The following LRRTM4 variants were observed in gnomAD, a reference collection of about 807,000 sequenced individuals.
The protein encoded by LRRTM4 is leucine rich repeat transmembrane neuronal 4.
A neutral mutation model predicts 47.6 loss-of-function variants in LRRTM4; 25 were observed. That is an observed-to-expected ratio of 0.53 (90% confidence interval 0.38 to 0.73). The LOEUF is 0.73. Among genes scored for constraint, LRRTM4 ranks in the 30% least tolerant of loss-of-function variants. LRRTM4 has a pLI of 0.00. For synonymous variants in LRRTM4, 311 were observed against 269.5 expected (o/e 1.15, Z -1.51); for missense variants, 638 against 713.4 (o/e 0.89, Z 1.20).
intron 3 of LRRTM4, among the ~76,000 whole-genome samples, chr2:77,228,331 A>G (rs548262728): frequency 4.6e-5 from 7 of 152,160 alleles, no homozygotes; most frequent in South Asian, 4.1e-4. Context: ...CTTGAATCCA[A>G]TCTAATCTGG....
chr2:77,447,483 AT>A (rs1354116770), intron 3 of LRRTM4, among the ~76,000 whole-genome samples: 6 of 152,130 alleles, frequency 3.9e-5, no homozygotes, highest in Non-Finnish European at 7.4e-5. Flanking sequence ...TCAATTCACC[AT>A]GTGTTATTAG....
At chr2:77,392,230 T>A (rs1254878666) in intron 3 of LRRTM4, among the ~76,000 whole-genome samples, 2 of 152,040 alleles carry the variant, frequency 1.3e-5, no homozygotes, top group Admixed American at 6.6e-5. Context: ...CTTATTCCTT[T>A]CAACCAATTG....
intron 3 of LRRTM4, among the ~76,000 whole-genome samples, chr2:76,763,069 G>C (rs1673320084): frequency 6.6e-6 from 1 of 152,076 alleles, no homozygotes; most frequent in African/African-American, 2.4e-5. Flanking sequence ...CTATCGCCTA[G>C]GATTGAGGAG....
intron 3 of LRRTM4, among the ~76,000 whole-genome samples, chr2:77,359,849 T>C (rs1041696779): frequency 1.6e-4 from 24 of 152,206 alleles, no homozygotes; most frequent in African/African-American, 5.8e-4. Flanking sequence ...GTATTTGCTT[T>C]ACAGGTTCCT....
chr2:77,296,490 C>T (rs531137313), intron 3 of LRRTM4, among the ~76,000 whole-genome samples: 29 of 152,178 alleles, frequency 1.9e-4, no homozygotes, highest in Non-Finnish European at 3.1e-4. Context: ...ATCTATGGTA[C>T]GTTGTTCCTG....
At chr2:76,977,324 T>C (rs1386233798) in intron 3 of LRRTM4, among the ~76,000 whole-genome samples, 1 of 151,724 alleles carries the variant, frequency 6.6e-6, no homozygotes, top group Non-Finnish European at 1.5e-5. Flanking sequence ...GGGTATAATA[T>C]GTGATTCTTA....
chr2:77,341,430 A>G (rs1451743779), intron 3 of LRRTM4, among the ~76,000 whole-genome samples: 1 of 151,940 alleles, frequency 6.6e-6, no homozygotes, highest in African/African-American at 2.4e-5. Context: ...CTTAAACGTT[A>G]TTCCTTCATG....
At chr2:77,359,290 C>T (rs1055406367) in intron 3 of LRRTM4, among the ~76,000 whole-genome samples, 1 of 151,946 alleles carries the variant, frequency 6.6e-6, no homozygotes, top group Non-Finnish European at 1.5e-5. Context: ...TCTAGATGTC[C>T]CCCCAACCCA....
chr2:77,502,347 G>A (rs1180894729), intron 3 of LRRTM4, among the ~76,000 whole-genome samples: 3 of 150,862 alleles, frequency 2.0e-5, no homozygotes, highest in Non-Finnish European at 4.4e-5. Flanking sequence ...GTAATAAAAT[G>A]GCATATTAAT....
chr2:76,964,353 A>G (rs1008568388), intron 3 of LRRTM4, among the ~76,000 whole-genome samples: 2 of 151,086 alleles, frequency 1.3e-5, no homozygotes, highest in Non-Finnish European at 3.0e-5. Context: ...TGTAACATGA[A>G]ATATGTGGAG....
intron 3 of LRRTM4, among the ~76,000 whole-genome samples, chr2:77,110,931 G>A (rs1490867477): frequency 1.3e-5 from 2 of 152,082 alleles, no homozygotes; most frequent in Non-Finnish European, 2.9e-5. Flanking sequence ...TCTACACTAA[G>A]CTTTTGCTTT....
chr2:77,007,171 C>T (rs560086126), intron 3 of LRRTM4, among the ~76,000 whole-genome samples: 1 of 151,874 alleles, frequency 6.6e-6, no homozygotes, highest in African/African-American at 2.4e-5. Context: ...TATATACACA[C>T]ACACACACAC....
chr2:77,220,919 T>A (rs1674605213), intron 3 of LRRTM4, among the ~76,000 whole-genome samples: 1 of 152,010 alleles, frequency 6.6e-6, no homozygotes, highest in Non-Finnish European at 1.5e-5. Flanking sequence ...TCACCAAAGT[T>A]GAAATGAAGG....
At chr2:76,909,099 C>CA (rs1482882087) in intron 3 of LRRTM4, among the ~76,000 whole-genome samples, 3 of 152,180 alleles carry the variant, frequency 2.0e-5, no homozygotes, top group African/African-American at 7.2e-5. Context: ...AACTATACTA[C>CA]AAGGCTACAG....
intron 3 of LRRTM4, among the ~76,000 whole-genome samples, chr2:76,898,575 A>AAAG (rs1673504368): frequency 6.6e-6 from 1 of 150,650 alleles, no homozygotes; most frequent in Non-Finnish European, 1.5e-5. Flanking sequence ...AAAAAAAAAA[A>AAAG]AGAGTTAGTA....
At chr2:76,756,942 C>G (rs1009186431) in intron 3 of LRRTM4, among the ~76,000 whole-genome samples, 6 of 152,110 alleles carry the variant, frequency 3.9e-5, no homozygotes, top group African/African-American at 1.4e-4. Flanking sequence ...GAACAATAAT[C>G]ATACCCTTTC....
chr2:77,285,917 C>T (rs999683185), intron 3 of LRRTM4, among the ~76,000 whole-genome samples: 2 of 152,046 alleles, frequency 1.3e-5, no homozygotes, highest in Non-Finnish European at 2.9e-5. Context: ...TATATCTAAC[C>T]TTAAGGAAGT....
At chr2:76,823,187 T>C (rs1160549332) in intron 3 of LRRTM4, among the ~76,000 whole-genome samples, 1 of 151,400 alleles carries the variant, frequency 6.6e-6, no homozygotes, top group Admixed American at 6.6e-5. Context: ...TTGATATCAA[T>C]TGAGTATATT....
At chr2:77,505,367 A>T (rs1211849925) in intron 3 of LRRTM4, among the ~76,000 whole-genome samples, 1 of 151,404 alleles carries the variant, frequency 6.6e-6, no homozygotes, top group Non-Finnish European at 1.5e-5. Flanking sequence ...AATTGTGATA[A>T]ATAAGATTTT....
Sources: gnomAD v4.1 joint callset for allele counts (sites outside exome capture counted in the v4.1 genomes callset) on GRCh38, gnomAD v4.1.1 for gene constraint, MANE v1.5 for transcripts, NCBI Gene and HGNC (gene_info 2026-07-23, HGNC 2026-07-21) for gene names.